Variants in PPFIBP2 observed in about 807,000 individuals in gnomAD.
The protein encoded by PPFIBP2 is liprin-beta-2.
A neutral mutation model predicts 118.3 loss-of-function variants in PPFIBP2; 118 were observed. The observed-to-expected ratio is 1.00, with a 90% CI of 0.86 to 1.16. The LOEUF (loss-of-function observed/expected upper bound fraction) is 1.16. PPFIBP2 is among the 50% of genes most tolerant of loss of function. The probability of loss-of-function intolerance (pLI) is 0.00; values close to 1 mark genes in which losing one functional copy is unlikely to be tolerated. For missense variants in PPFIBP2, 1,195 were observed against 1,073.1 expected (o/e 1.11, Z -1.59); for synonymous variants, 414 against 397.4 (o/e 1.04, Z -0.50).
chr11:7,609,762 T>C (rs1013161406), intron 5 of PPFIBP2, among the ~76,000 whole-genome samples: 2 of 152,216 alleles, frequency 1.3e-5, no homozygotes, highest in Non-Finnish European at 2.9e-5. Flanking sequence ...ATAAGATTCC[T>C]ATGTAATCAT....
At chr11:7,633,013 C>T (rs1850981533) in intron 12 of PPFIBP2, 79 bp downstream of exon 12, 2 of 1,330,332 alleles carry the variant, frequency 1.5e-6, no homozygotes, top group South Asian at 2.4e-5. Context: ...TGGTGATGAC[C>T]GTGAATGGTG....
At chr11:7,657,291 T>C (rs1854767389), downstream of PPFIBP2, among the ~76,000 whole-genome samples, 1 of 152,200 alleles carries the variant, frequency 6.6e-6, no homozygotes, top group Non-Finnish European at 1.5e-5. Context: ...TTTCCATTCT[T>C]GGGACTGTGG....
At position 7,634,571 on chromosome 11, in the gene PPFIBP2, C is replaced by T; in HGVS notation, c.1194+19C>T. On this transcript the variant is annotated intron_variant, in intron 13 of 23. Coordinates refer to ENST00000299492, the MANE Select transcript of PPFIBP2 (RefSeq NM_003621.5). ...GGATAAGGTCGGCTCATCAACCTAT[C>T]CTTAAAGATGACTGAGTTACTTTTT... is the stretch of plus-strand genomic sequence containing the variant. 1 of 1,602,924 alleles carries T rather than the reference C, an allele frequency of 6.2e-7. No individual in the cohort carries two copies. The highest frequency in any genetic ancestry group is 8.5e-7 in the Non-Finnish European group (1 of 1,169,876).
At chr11:7,607,546 T>A (rs1049779706) in intron 5 of PPFIBP2, among the ~76,000 whole-genome samples, 1 of 152,142 alleles carries the variant, frequency 6.6e-6, no homozygotes, top group Non-Finnish European at 1.5e-5. Flanking sequence ...AAGTACTCAA[T>A]AGTGGCTTTG....
intron 6 of PPFIBP2, among the ~76,000 whole-genome samples, chr11:7,617,650 C>A (rs969143943): frequency 6.6e-6 from 1 of 151,964 alleles, no homozygotes; most frequent in African/African-American, 2.4e-5. Context: ...TCTTCCCAGG[C>A]TGGGAGATTA....
intron 21 of PPFIBP2, among the ~76,000 whole-genome samples, chr11:7,650,017 C>T (rs566737846): frequency 6.6e-6 from 1 of 152,228 alleles, no homozygotes; most frequent in African/African-American, 2.4e-5. Flanking sequence ...AAGAGGAGCC[C>T]GTAGAAGCTA....
intron 6 of PPFIBP2, among the ~76,000 whole-genome samples, chr11:7,613,854 T>C (rs1848344797): frequency 6.6e-6 from 1 of 152,102 alleles, no homozygotes; most frequent in South Asian, 2.1e-4. Context: ...ACCCCAGATA[T>C]GCTAGGAAGG....
At chr11:7,528,289 G>T (rs922795739) in intron 1 of PPFIBP2, among the ~76,000 whole-genome samples, 1 of 152,136 alleles carries the variant, frequency 6.6e-6, no homozygotes, top group East Asian at 1.9e-4. Flanking sequence ...ATATATGCAT[G>T]CATACACATA....
rs182549548 is a variant in PPFIBP2 at position 7,527,827 on chromosome 11, G to A, written c.-37+13706G>A. 3.4e-4 allele frequency among the ~76,000 whole-genome samples: 52 copies of A among 152,200 alleles called. No individual in the cohort carries two copies. In the East Asian group the frequency reaches 5.0e-3, roughly 15 times the overall value. On this transcript the variant is annotated intron_variant, in intron 1 of 23. Transcript: ENST00000299492. ...AAGGGGCACCTGTGGAAAACAACTG[G>A]CGGCATGATTTGGCTGGAACTGAAG... is the stretch of plus-strand genomic sequence containing the variant.
At position 7,649,208 on chromosome 11, in the gene PPFIBP2, C is replaced by T. The variant is rs201176923; in HGVS notation, c.1971C>T (p.Asp657=). The change falls in exon 20 of 24, where the codon GAC becomes GAT. Residue 657 remains aspartate, a synonymous_variant. Transcript: ENST00000299492. The part of the protein sequence containing the change: ...YKDQFHESRV[D]RRMLQYLTVN... ...ACCAGTTTCATGAATCTAGAGTTGA[C>T]AGACGAATGCTGCAATACCTAACTG... 2.2e-4 allele frequency: 350 copies of T among 1,613,844 alleles called. 1 individual carries two copies. In the South Asian group the frequency reaches 2.7e-3, roughly 12 times the overall value.
Position 7,593,199 on chromosome 11 carries a change from G to C in PPFIBP2, c.347G>C (p.Gly116Ala). 1 of 1,614,026 alleles carries C rather than the reference G, an allele frequency of 6.2e-7. No homozygotes were observed. The highest frequency in any genetic ancestry group is 8.5e-7 in the Non-Finnish European group (1 of 1,179,946). Residue 116 changes from glycine to alanine, a missense_variant, in exon 4 of 24, where the codon GGG becomes GCG. Gly to Ala is a moderately conservative substitution (Grantham distance 60, BLOSUM62 0). Coordinates refer to ENST00000299492, the MANE Select transcript of PPFIBP2 (RefSeq NM_003621.5). ...CAGGAACGCTTGGCACGTCTAGAAG[G>C]GGATAAGGAGTCCCTCATATTGCAG... is the stretch of plus-strand genomic sequence containing the variant. ...TYQERLARLEGDKESLILQVS... is the reference protein window; with the variant it reads ...TYQERLARLEADKESLILQVS...
intron 5 of PPFIBP2, chr11:7,598,075 A>AAC: frequency 6.3e-6 from 1 of 158,414 alleles, no homozygotes; most frequent in Non-Finnish European, 1.4e-5. Context: ...CCTACTGTAT[A>AAC]TAGTTTTTAA....
intron 2 of PPFIBP2, among the ~76,000 whole-genome samples, chr11:7,550,987 T>C (rs1344211215): frequency 6.6e-6 from 1 of 152,062 alleles, no homozygotes; most frequent in Non-Finnish European, 1.5e-5. Flanking sequence ...TTGTGGGACC[T>C]TGTGGTCGTG....
At chr11:7,570,311 G>A (rs1333219874) in intron 3 of PPFIBP2, among the ~76,000 whole-genome samples, 5 of 152,190 alleles carry the variant, frequency 3.3e-5, no homozygotes, top group Admixed American at 3.3e-4. Flanking sequence ...CGTGTCCCAG[G>A]TCTTTGGGTG....
At chr11:7,599,338 G>A (rs77155303) in intron 5 of PPFIBP2, among the ~76,000 whole-genome samples, 459 of 152,270 alleles carry the variant, frequency 3.0e-3, no homozygotes, top group Middle Eastern at 0.024. Flanking sequence ...GGAAGGGAAC[G>A]TGTCAGAAGG....
chr11:7,663,053 A>AT, the PPFIBP2 span, among the ~76,000 whole-genome samples: 1 of 132,378 alleles, frequency 7.6e-6, no homozygotes, highest in East Asian at 2.1e-4. Flanking sequence ...ATTCTTCTAA[A>AT]TTTTTTTCAA....
At chr11:7,525,811 C>G (rs1850181649) in intron 1 of PPFIBP2, among the ~76,000 whole-genome samples, 1 of 152,168 alleles carries the variant, frequency 6.6e-6, no homozygotes, top group Admixed American at 6.5e-5. Context: ...AGGATCTTTT[C>G]CCTGCATTGG....
At chr11:7,541,303 G>A (rs1183037849) in intron 1 of PPFIBP2, among the ~76,000 whole-genome samples, 1 of 152,224 alleles carries the variant, frequency 6.6e-6, no homozygotes, top group East Asian at 1.9e-4. Flanking sequence ...GAGTGAATGG[G>A]GAGGGCTGTT....
the PPFIBP2 span, chr11:7,665,324 TC>T: frequency 7.0e-7 from 1 of 1,420,594 alleles, no homozygotes; most frequent in East Asian, 2.5e-5. Context: ...TTGAACTTAC[TC>T]TGAAACAGAT....
Sources: allele counts gnomAD v4.1 joint callset (sites outside exome capture counted in the v4.1 genomes callset), GRCh38; gene constraint gnomAD v4.1.1; transcripts MANE v1.5; gene names NCBI Gene and HGNC (gene_info 2026-07-23, HGNC 2026-07-21).